The following KLKB1 variants were observed in gnomAD, a reference collection of about 807,000 sequenced individuals.
The protein encoded by KLKB1 is kallikrein B1, also known as plasma kallikrein.
In KLKB1, 58 loss-of-function variants were observed where a neutral mutation model predicts 73.6. The observed-to-expected ratio is 0.79, with a 90% confidence interval of 0.64 to 0.98. KLKB1 has a LOEUF of 0.98. KLKB1 is among the 50% of genes least tolerant of loss of function. The pLI is 0.00. For missense variants in KLKB1, 737 were observed against 763.8 expected, an observed-to-expected ratio of 0.96 and a Z score of 0.41; for synonymous variants, 280 against 258.1, an observed-to-expected ratio of 1.08 and a Z score of -0.81.
chr4:186,257,267 G>A lies in KLKB1; in HGVS notation c.1627G>A (p.Val543Ile). The A allele has an allele frequency of 6.3e-7, 1 of 1,598,884 alleles. No homozygotes were observed. Among genetic ancestry groups the A allele is most frequent in the South Asian group, 1.1e-5 (1 of 88,988 alleles). Reference protein sequence around the residue: ...NILQKVNIPLVTNEECQKRYQ... With the variant: ...NILQKVNIPLITNEECQKRYQ... ...TCTACAAAAGGTAAATATTCCTTTG[G>A]TAACAAATGAAGAATGCCAGAAAAG... The change falls in exon 14 of 15, where the codon GTA becomes ATA. Residue 543 changes from valine to isoleucine, a missense_variant. Coordinates refer to ENST00000264690, the MANE Select transcript of KLKB1 (RefSeq NM_000892.5).
intron 6 of KLKB1, 51 bp downstream of exon 6, chr4:186,238,416 C>T: frequency 2.4e-6 from 3 of 1,258,114 alleles, no homozygotes; most frequent in Non-Finnish European, 3.5e-6. Flanking sequence ...GAATAGGAGC[C>T]CCCAGAGACG....
At chr4:186,229,650 C>T (rs1737303076) in intron 2 of KLKB1, among the ~76,000 whole-genome samples, 1 of 152,092 alleles carries the variant, frequency 6.6e-6, no homozygotes, top group South Asian at 2.1e-4. Flanking sequence ...AAGTTTACTC[C>T]ATAGTTGACT....
chr4:186,252,098 A>G lies in KLKB1; in HGVS notation c.1226A>G (p.Gln409Arg), dbSNP rs868281614. 4 of 1,613,942 alleles carry G rather than the reference A, an allele frequency of 2.5e-6. No individual in the cohort carries two copies. The African/African-American group carries it at 5.3e-5, about 22-fold the overall frequency. Residue 409 changes from glutamine to arginine, a missense_variant, in exon 11 of 15, where the codon CAG (glutamine) becomes CGG (arginine). Physicochemically the swap from Gln to Arg is conservative, Grantham distance 43. Coordinates refer to ENST00000264690, the MANE Select transcript of KLKB1 (RefSeq NM_000892.5). ...WGEWPWQVSL[Q>R]VKLTAQRHLC... ...GAGTGGCCCTGGCAGGTGAGCCTGC[A>G]GGTGAAGCTGACAGCTCAGAGGCAC... is the stretch of plus-strand genomic sequence containing the variant.
intron 6 of KLKB1, among the ~76,000 whole-genome samples, chr4:186,240,429 T>A (rs1737969325): frequency 6.6e-6 from 1 of 152,172 alleles, no homozygotes; most frequent in African/African-American, 2.4e-5. Flanking sequence ...CATTCCTTGG[T>A]TGTGTCCCTA....
chr4:186,243,673 C>T (rs1738176015), intron 6 of KLKB1, among the ~76,000 whole-genome samples: 1 of 152,114 alleles, frequency 6.6e-6, no homozygotes, highest in African/African-American at 2.4e-5. Context: ...TCCTTCAGCC[C>T]ATATAACCGC....
At chr4:186,227,413 T>G (rs1180685814), upstream of KLKB1, 1 of 152,154 alleles carries the variant, frequency 6.6e-6, no homozygotes, top group Non-Finnish European at 1.5e-5. Context: ...TGAACACGGA[T>G]AGGATGTTCA....
intron 12 of KLKB1, among the ~76,000 whole-genome samples, chr4:186,255,531 C>T (rs1179492290): frequency 1.3e-5 from 2 of 152,226 alleles, no homozygotes; most frequent in Non-Finnish European, 2.9e-5. Flanking sequence ...CGTGCCACTG[C>T]ACACAAACAA....
At chr4:186,230,324 T>A (rs1737332811) in intron 2 of KLKB1, among the ~76,000 whole-genome samples, 2 of 152,206 alleles carry the variant, frequency 1.3e-5, no homozygotes, top group African/African-American at 4.8e-5. Context: ...CATTTTCATA[T>A]ACTTACTAAT....
chr4:186,239,964 T>G (rs529082885), intron 6 of KLKB1, among the ~76,000 whole-genome samples: 17 of 149,602 alleles, frequency 1.1e-4, no homozygotes, highest in African/African-American at 3.4e-4. Flanking sequence ...GTGATACTGT[T>G]AGAGTTATAG....
At chr4:186,254,987 C>T (rs1324540015) in intron 12 of KLKB1, among the ~76,000 whole-genome samples, 1 of 152,136 alleles carries the variant, frequency 6.6e-6, no homozygotes, top group East Asian at 1.9e-4. Flanking sequence ...GGGAGGGATA[C>T]AACTGCATGC....
intron 2 of KLKB1, among the ~76,000 whole-genome samples, chr4:186,219,176 A>G (rs1479952043): frequency 6.6e-6 from 1 of 152,112 alleles, no homozygotes; most frequent in Admixed American, 6.5e-5. Context: ...TGCCTCTCCC[A>G]GTCAACTGAC....
Position 186,232,869 on chromosome 4 carries a change from GTAT to G in KLKB1, c.221+586_221+588del, listed in dbSNP as rs1248656757. ...TGTGTGCTTGTGCTTGTGTGAATAT[GTAT>G]TATTAACTGGAAATTTGTAAAAGTA... is the stretch of plus-strand genomic sequence containing the variant. On this transcript the variant is annotated intron_variant, in intron 3 of 14. Transcript: ENST00000264690. Among the ~76,000 whole-genome samples, 12 of 152,204 alleles carry G rather than the reference GTAT, an allele frequency of 7.9e-5. No homozygotes were observed. The East Asian group carries it at 2.1e-3, about 27-fold the overall frequency.
In KLKB1 at chr4:186,232,270, A is replaced by C; in HGVS notation, c.202A>C (p.Ile68Leu). The C allele has an allele frequency of 6.2e-7, 1 of 1,614,108 alleles. No individual in the cohort carries two copies. The highest frequency in any genetic ancestry group is 1.6e-4 in the Middle Eastern group (1 of 6,062). The change falls in exon 3 of 15, where the codon ATC (isoleucine) becomes CTC (leucine). Residue 68 changes from isoleucine (I) to leucine (L), a missense_variant. By Grantham distance (5) the Ile-to-Leu change is conservative. Coordinates refer to ENST00000264690, the MANE Select transcript of KLKB1 (RefSeq NM_000892.5). ...ATTCAGTTTTCTTCCAGCAAGTTCAATCAATGACATGGAGAAAAGGTAAAA... is the reference window on the plus strand; with the variant it reads ...ATTCAGTTTTCTTCCAGCAAGTTCACTCAATGACATGGAGAAAAGGTAAAA... Reference protein sequence around the residue: ...LLFSFLPASSINDMEKRFGCF... With the variant: ...LLFSFLPASSLNDMEKRFGCF...
chr4:186,257,378 A>G lies in KLKB1; in HGVS notation c.1725+13A>G. ...AGATGCTTGTAAGGTAACTCATGAG[A>G]TTATGAAAAACACAATAGGCTGCTT... On this transcript the variant is annotated intron_variant, in intron 14 of 14. Coordinates refer to ENST00000264690, the MANE Select transcript of KLKB1 (RefSeq NM_000892.5). 1 of 1,574,300 alleles carries G rather than the reference A, an allele frequency of 6.4e-7. No individual in the cohort carries two copies.
At chr4:186,223,756 T>A (rs2089873), upstream of KLKB1, among the ~76,000 whole-genome samples, 3,667 of 152,256 alleles carry the variant, frequency 0.024, 157 homozygotes, top group African/African-American at 0.085. Flanking sequence ...AGCCTGACCA[T>A]GTGGTAGAAA....
chr4:186,254,739 C>T lies in KLKB1; in HGVS notation c.1465C>T (p.Leu489Phe). 1 of 1,613,534 alleles carries T rather than the reference C, an allele frequency of 6.2e-7. No homozygotes were observed. The highest frequency in any genetic ancestry group is 8.5e-7 in the Non-Finnish European group (1 of 1,179,466). Residue 489 changes from leucine to phenylalanine, a missense_variant, in exon 12 of 15, where the codon CTC becomes TTC. Leu to Phe is a conservative substitution (Grantham distance 22). Transcript: ENST00000264690. ...GAATCATGATATCGCCTTGATAAAA[C>T]TCCAGGCTCCTTTGAATTACACTGG... Reference protein sequence around the residue: ...EGNHDIALIKLQAPLNYTEFQ... With the variant: ...EGNHDIALIKFQAPLNYTEFQ...
At chr4:186,245,038 C>G (rs550874988) in intron 6 of KLKB1, among the ~76,000 whole-genome samples, 1 of 152,018 alleles carries the variant, frequency 6.6e-6, no homozygotes, top group East Asian at 1.9e-4. Context: ...TGGCTGTGGC[C>G]TAAGAACAGT....
At chr4:186,227,048 G>T (rs1043860414), upstream of KLKB1, among the ~76,000 whole-genome samples, 2 of 152,150 alleles carry the variant, frequency 1.3e-5, no homozygotes, top group Non-Finnish European at 2.9e-5. Flanking sequence ...ACTGGAGTGG[G>T]CTTGGTGCTT....
chr4:186,246,158 G>A (rs920159428), intron 6 of KLKB1, among the ~76,000 whole-genome samples: 6 of 151,926 alleles, frequency 3.9e-5, no homozygotes, highest in Non-Finnish European at 7.4e-5. Flanking sequence ...GGTGATAGAA[G>A]GATTATAGGG....
Sources: allele counts gnomAD v4.1 joint callset (sites outside exome capture counted in the v4.1 genomes callset), GRCh38; gene constraint gnomAD v4.1.1; transcripts MANE v1.5; gene names NCBI Gene and HGNC (gene_info 2026-07-23, HGNC 2026-07-21).